Variants in OVCH1 observed in about 807,000 individuals in gnomAD.
The protein encoded by OVCH1 is ovochymase-1.
OVCH1 carries 139 observed loss-of-function variants against 138.4 expected under a neutral mutation model. That is an observed-to-expected ratio of 1.00 (90% CI 0.87 to 1.16). OVCH1 has a LOEUF of 1.16. Ranked by LOEUF, OVCH1 falls within the 50% of genes most tolerant of loss-of-function variation. OVCH1 has a pLI of 0.00. For synonymous variants in OVCH1, 453 were observed against 467.8 expected (o/e 0.97, Z 0.41); for missense variants, 1,367 against 1,357.9 (o/e 1.01, Z -0.11).
At chr12:29,451,196 G>C in intron 22 of OVCH1, 149 bp downstream of exon 22, 1 of 425,096 alleles carries the variant, frequency 2.4e-6, no homozygotes, top group Non-Finnish European at 4.0e-6. Flanking sequence ...TAAAGAAAAT[G>C]TTAAGTGTGT....
intron 3 of OVCH1, among the ~76,000 whole-genome samples, chr12:29,413,383 A>G (rs74078147): frequency 0.023 from 3,429 of 152,236 alleles, 115 homozygotes; most frequent in African/African-American, 0.077. Flanking sequence ...TGCCTCTAGG[A>G]CATCACCTTG....
rs1344143858 is a variant in OVCH1 at position 29,487,641 on chromosome 12, A to G, written c.892+52T>C. On this transcript the variant is annotated intron_variant, in intron 7 of 27. Coordinates refer to ENST00000318184, the Ensembl canonical transcript of OVCH1. ...AGTTCTGATAATATCGCAACATAGC[A>G]GAGTAACTACCCTTGAGTTAGGATG... 12 of 1,479,434 alleles carry G rather than the reference A, an allele frequency of 8.1e-6. No homozygotes were observed. In the East Asian group the frequency reaches 1.9e-4, roughly 24 times the overall value. 91.6% of individuals were successfully genotyped at this position (1,479,434 alleles called of 1,614,324 possible). A position where few individuals can be genotyped will look rare whatever the true frequency, so the allele number is the denominator to read the frequency against.
At chr12:29,471,873 T>A in exon 16 of OVCH1, 2 of 1,613,380 alleles carry the variant, frequency 1.2e-6, no homozygotes, top group Non-Finnish European at 1.7e-6. Flanking sequence ...GGTAATCGCC[T>A]AGAAACCTCA....
chr12:29,453,585 C>T (rs1053272333), intron 21 of OVCH1, among the ~76,000 whole-genome samples: 17 of 152,126 alleles, frequency 1.1e-4, no homozygotes, highest in African/African-American at 4.1e-4. Context: ...TCCCTTAATA[C>T]TCCTTCCACC....
At chr12:29,443,213 C>T in intron 25 of OVCH1, 148 bp downstream of exon 25, 1 of 770,260 alleles carries the variant, frequency 1.3e-6, no homozygotes. Flanking sequence ...TTAAATCTGA[C>T]ACAAGTTTAA....
At chr12:29,433,169 T>C (rs1941299526) in intron 27 of OVCH1, among the ~76,000 whole-genome samples, 1 of 152,198 alleles carries the variant, frequency 6.6e-6, no homozygotes. Flanking sequence ...TTATAACTGA[T>C]ATGGTTTTGC....
exon 23 of OVCH1, chr12:29,445,305 T>A: frequency 6.2e-7 from 1 of 1,611,946 alleles, no homozygotes; most frequent in Non-Finnish European, 8.5e-7. Context: ...ATATAGCTTA[T>A]ACCAAATGCA....
intron 25 of OVCH1, among the ~76,000 whole-genome samples, chr12:29,442,430 C>T (rs183619766): frequency 3.2e-4 from 40 of 125,350 alleles, no homozygotes; most frequent in Admixed American, 2.4e-3. Flanking sequence ...AATGAGAACA[C>T]ATGGACACAG....
At position 29,477,152 on chromosome 12, in the gene OVCH1, T is replaced by TA. The variant is rs751356820; in HGVS notation, c.1326dup (p.Asn443Ter). On this transcript the variant is annotated frameshift_variant, in exon 12 of 28. Coordinates refer to ENST00000318184, the Ensembl canonical transcript of OVCH1. LOFTEE classifies it high-confidence loss of function. ...CAAATGAACCAATGACACCTTGTGT[T>TA]ACTGGGATACAAATCAGGATACTTG... The TA allele has an allele frequency of 4.3e-6, 7 of 1,613,372 alleles. No individual in the cohort carries two copies. In the African/African-American group the frequency reaches 9.3e-5, roughly 22 times the overall value.
chr12:29,476,414 T>C (rs1015468430), intron 12 of OVCH1, 115 bp from the exon 13 acceptor site: 3 of 828,838 alleles, frequency 3.6e-6, no homozygotes, highest in Non-Finnish European at 6.0e-6. Context: ...TGCCTTCACA[T>C]AGAAGTGTAA....
At chr12:29,469,617 C>T (rs1338117466) in intron 16 of OVCH1, among the ~76,000 whole-genome samples, 1 of 152,046 alleles carries the variant, frequency 6.6e-6, no homozygotes, top group East Asian at 1.9e-4. Context: ...CTGTGGGTCA[C>T]GCCTGTAATC....
intron 26 of OVCH1, among the ~76,000 whole-genome samples, chr12:29,435,229 G>A (rs1182828945): frequency 6.6e-6 from 1 of 152,142 alleles, no homozygotes; most frequent in South Asian, 2.1e-4. Flanking sequence ...CGTGGCGTGA[G>A]CCTGTAGTCC....
At chr12:29,421,465 G>A (rs1941103379) in intron 3 of OVCH1, among the ~76,000 whole-genome samples, 1 of 152,028 alleles carries the variant, frequency 6.6e-6, no homozygotes, top group African/African-American at 2.4e-5. Context: ...GATCAATAAA[G>A]TTAACTAAAA....
chr12:29,444,955 C>T (rs1455315057), intron 23 of OVCH1, among the ~76,000 whole-genome samples: 1 of 152,062 alleles, frequency 6.6e-6, no homozygotes, highest in East Asian at 1.9e-4. Flanking sequence ...CCCAAATCTT[C>T]TGAGCCACAA....
At chr12:29,468,627 C>A (rs1015035166) in intron 16 of OVCH1, among the ~76,000 whole-genome samples, 1 of 152,104 alleles carries the variant, frequency 6.6e-6, no homozygotes, top group Non-Finnish European at 1.5e-5. Flanking sequence ...CTTGAGGCAT[C>A]TTTTCCATGG....
chr12:29,418,043 G>A (rs1184539887), intron 3 of OVCH1, among the ~76,000 whole-genome samples: 6 of 152,330 alleles, frequency 3.9e-5, no homozygotes, highest in African/African-American at 1.4e-4. Flanking sequence ...AAAGGCATGG[G>A]CTTGAGAGTG....
At chr12:29,495,610 C>T (rs762945158) in intron 3 of OVCH1, among the ~76,000 whole-genome samples, 153 bp from the exon 4 acceptor site, 5 of 151,072 alleles carry the variant, frequency 3.3e-5, no homozygotes, top group Non-Finnish European at 5.9e-5. Flanking sequence ...TACCAATGGT[C>T]ATATTTTTTT....
chr12:29,434,933 T>C (rs972088671), intron 26 of OVCH1, among the ~76,000 whole-genome samples: 3 of 152,212 alleles, frequency 2.0e-5, no homozygotes, highest in African/African-American at 7.2e-5. Flanking sequence ...GCCCAGTTCT[T>C]ATGATGTCGG....
chr12:29,447,279 GAC>G (rs1373837123), intron 22 of OVCH1, among the ~76,000 whole-genome samples: 1 of 151,886 alleles, frequency 6.6e-6, no homozygotes, highest in Non-Finnish European at 1.5e-5. Context: ...AAAATAGGGA[GAC>G]ACAGTCTTAA....
Sources: gnomAD v4.1 joint callset for allele counts (sites outside exome capture counted in the v4.1 genomes callset) on GRCh38, gnomAD v4.1.1 for gene constraint, MANE v1.5 for transcripts, NCBI Gene and HGNC (gene_info 2026-07-23, HGNC 2026-07-21) for gene names.